Variants in SRR observed in about 807,000 individuals in gnomAD.
The protein encoded by SRR is serine racemase.
SRR carries 19 observed loss-of-function variants against 32.7 expected under a neutral mutation model. The observed-to-expected ratio is 0.58, with a 90% CI of 0.40 to 0.85. The LOEUF (loss-of-function observed/expected upper bound fraction) is 0.85. Among genes scored for constraint, SRR ranks in the 40% least tolerant of loss-of-function variants. SRR has a pLI of 0.00. For missense variants in SRR, 373 were observed against 404.7 expected, an observed-to-expected ratio of 0.92 and a Z score of 0.67; for synonymous variants, 142 against 140.9, an observed-to-expected ratio of 1.01 and a Z score of -0.06.
At chr17:2,317,539 C>G (rs971070842) in intron 2 of SRR, among the ~76,000 whole-genome samples, 1 of 151,286 alleles carries the variant, frequency 6.6e-6, no homozygotes, top group African/African-American at 2.4e-5. Context: ...AAAAATTTAG[C>G]CGGGCATGGT....
intron 1 of SRR, chr17:2,307,219 G>A (rs2075397670): frequency 2.3e-6 from 3 of 1,312,724 alleles, no homozygotes. Flanking sequence ...TGTAACCTTT[G>A]ATGATCATGA....
At chr17:2,309,973 G>C (rs1009432169) in intron 1 of SRR, 2 of 152,162 alleles carry the variant, frequency 1.3e-5, no homozygotes, top group Non-Finnish European at 2.9e-5. Flanking sequence ...AGAAGCCGAC[G>C]TGCAGAAAGC....
chr17:2,309,201 A>G (rs1315468852), intron 1 of SRR, among the ~76,000 whole-genome samples: 3 of 152,114 alleles, frequency 2.0e-5, no homozygotes, highest in Non-Finnish European at 2.9e-5. Context: ...TGCCTCTGGC[A>G]ATCTTCCCAC....
chr17:2,305,563 A>G (rs1239167420), intron 1 of SRR, among the ~76,000 whole-genome samples: 1 of 152,256 alleles, frequency 6.6e-6, no homozygotes, highest in African/African-American at 2.4e-5. Flanking sequence ...ATCAAATAGT[A>G]GAAGAAAATT....
intron 1 of SRR, chr17:2,307,043 C>G: frequency 7.6e-7 from 1 of 1,319,736 alleles, no homozygotes; most frequent in Non-Finnish European, 1.1e-6. Flanking sequence ...AGAGAAGATT[C>G]TCAAAGACCA....
In SRR at chr17:2,307,278, CA is replaced by C. The variant is rs1290225831; in HGVS notation, c.-5+3263del. 13 of 1,150,912 alleles carry C rather than the reference CA, an allele frequency of 1.1e-5. No homozygotes were observed. The African/African-American group carries it at 1.8e-4, about 16-fold the overall frequency. 71.3% of individuals were successfully genotyped at this position (1,150,912 alleles called of 1,614,324 possible). A position where few individuals can be genotyped will look rare whatever the true frequency, so the allele number is the denominator to read the frequency against. The stretch of plus-strand genomic sequence containing the variant: ...AGAAATACCATACTGTGAATGGCCA[CA>C]ACTGTGAAATTAGGAAAGGCCTGTC... On this transcript the variant is annotated intron_variant, in intron 1 of 7. Transcript: ENST00000344595.
intron 1 of SRR, chr17:2,315,278 G>T: frequency 4.0e-6 from 1 of 251,054 alleles, no homozygotes; most frequent in Non-Finnish European, 7.5e-6. Context: ...GAGACCAGTG[G>T]CAGTGCCAAC....
intron 1 of SRR, among the ~76,000 whole-genome samples, chr17:2,314,244 G>A (rs1400028394): frequency 6.6e-6 from 1 of 151,928 alleles, no homozygotes; most frequent in South Asian, 2.1e-4. Context: ...GAGGTCGGGA[G>A]TTCGAGACCA....
At chr17:2,310,723 C>T (rs1397141210) in intron 1 of SRR, among the ~76,000 whole-genome samples, 1 of 151,520 alleles carries the variant, frequency 6.6e-6, no homozygotes, top group Admixed American at 6.6e-5. Context: ...GGACTACAGG[C>T]AAATGCCACT....
At chr17:2,313,274 A>G (rs2075445879) in intron 1 of SRR, among the ~76,000 whole-genome samples, 1 of 151,670 alleles carries the variant, frequency 6.6e-6, no homozygotes, top group African/African-American at 2.4e-5. Context: ...CACTAAAAAT[A>G]AAAAAATTAG....
Position 2,324,975 on chromosome 17 carries a change from GC to G in SRR, c.*1105del. Reference sequence around the variant, plus strand: ...TGAGGCTAAGATTGGTAAACTGTAAGCCCACACTTAACCTTGTCAATAGGTT... The same window carrying G: ...TGAGGCTAAGATTGGTAAACTGTAAGCCACACTTAACCTTGTCAATAGGTT... On this transcript the variant is annotated 3_prime_UTR_variant, in exon 8 of 8. Coordinates refer to ENST00000344595, the MANE Select transcript of SRR (RefSeq NM_021947.3). 1.2e-6 allele frequency: 1 copy of G among 861,666 alleles called. No individual in the cohort carries two copies. The highest frequency in any genetic ancestry group is 1.7e-6 in the Non-Finnish European group (1 of 578,990). The allele number at this position is 861,666 out of a possible 1,614,324, so 53.4% of individuals were successfully genotyped here.
At chr17:2,312,361 T>C (rs2075439398) in intron 1 of SRR, among the ~76,000 whole-genome samples, 1 of 152,144 alleles carries the variant, frequency 6.6e-6, no homozygotes, top group Admixed American at 6.5e-5. Context: ...TTTGGGAGTC[T>C]GAGGCAGGTG....
intron 1 of SRR, among the ~76,000 whole-genome samples, chr17:2,309,406 T>G (rs1313796034): frequency 2.0e-5 from 3 of 152,204 alleles, no homozygotes; most frequent in South Asian, 2.1e-4. Context: ...TTACTCCCAC[T>G]CAAAAGTACT....
intron 1 of SRR, among the ~76,000 whole-genome samples, 194 bp downstream of exon 1, chr17:2,304,211 C>G (rs1285921631): frequency 6.6e-6 from 1 of 151,422 alleles, no homozygotes; most frequent in Non-Finnish European, 1.5e-5. Context: ...CGGGCCATTA[C>G]TTGGGACCTT....
chr17:2,318,503 C>T (rs1218367521), intron 3 of SRR, among the ~76,000 whole-genome samples: 3 of 142,970 alleles, frequency 2.1e-5, no homozygotes, highest in Non-Finnish European at 3.0e-5. Context: ...CTTGCACTGT[C>T]GCCCAGGCTG....
intron 1 of SRR, among the ~76,000 whole-genome samples, chr17:2,308,540 A>G (rs1449959059): frequency 1.3e-5 from 2 of 152,256 alleles, no homozygotes; most frequent in Non-Finnish European, 2.9e-5. Flanking sequence ...CATTTAAGTC[A>G]AAACCCAGGA....
chr17:2,323,134 A>C lies in SRR; in HGVS notation c.595-2A>C. The C allele has an allele frequency of 6.2e-7, 1 of 1,614,092 alleles. No individual in the cohort carries two copies. On this transcript the variant is annotated splice_acceptor_variant, in intron 6 of 7. Transcript: ENST00000344595. LOFTEE classifies it high-confidence loss of function. ...AAGATGTCTTAATATTCCTCTTCCC[A>C]GGCTCTGAAACCTAGTGTGAAGGTA...
intron 1 of SRR, among the ~76,000 whole-genome samples, chr17:2,314,154 G>C (rs989611686): frequency 1.3e-5 from 2 of 152,140 alleles, no homozygotes; most frequent in Admixed American, 1.3e-4. Flanking sequence ...AATGTATATT[G>C]AGAATGCAGA....
intron 4 of SRR, among the ~76,000 whole-genome samples, chr17:2,319,475 G>T (rs1011702072): frequency 1.3e-5 from 2 of 151,908 alleles, no homozygotes; most frequent in Non-Finnish European, 2.9e-5. Context: ...TGTAGACAGG[G>T]TCTCACTGTT....
Sources: gnomAD v4.1 joint callset for allele counts (sites outside exome capture counted in the v4.1 genomes callset) on GRCh38, gnomAD v4.1.1 for gene constraint, MANE v1.5 for transcripts, NCBI Gene and HGNC (gene_info 2026-07-23, HGNC 2026-07-21) for gene names.